The following ANO3 variants were observed in gnomAD, a reference collection of about 807,000 sequenced individuals.
ANO3 encodes anoctamin-3.
A neutral mutation model predicts 144.8 loss-of-function variants in ANO3; 99 were observed. That is an observed-to-expected ratio of 0.68 (90% CI 0.58 to 0.81). The LOEUF (loss-of-function observed/expected upper bound fraction) is 0.81, where lower values mean the gene tolerates loss of function less well. ANO3 is among the 30% of genes least tolerant of loss of function. The pLI, the probability that ANO3 is intolerant of heterozygous loss-of-function variation, is 0.00. For synonymous variants in ANO3, 414 were observed against 392.6 expected (o/e 1.05, Z -0.64); for missense variants, 905 against 1,202.2 (o/e 0.75, Z 3.66).
At chr11:26,297,236 T>C (rs1854114258) in intron 1 of ANO3, among the ~76,000 whole-genome samples, 1 of 148,004 alleles carries the variant, frequency 6.8e-6, no homozygotes, top group African/African-American at 2.6e-5. Context: ...CTCCAGTATA[T>C]CTGTGTTTCT....
intron 1 of ANO3, among the ~76,000 whole-genome samples, chr11:26,368,929 T>C (rs1241291215): frequency 1.3e-5 from 2 of 152,144 alleles, no homozygotes; most frequent in Non-Finnish European, 2.9e-5. Context: ...AACTGGTTAA[T>C]CCATATAAAA....
At chr11:26,317,865 C>A (rs1854663325) in intron 1 of ANO3, among the ~76,000 whole-genome samples, 2 of 152,086 alleles carry the variant, frequency 1.3e-5, no homozygotes, top group Non-Finnish European at 2.9e-5. Context: ...ACCCAAATGC[C>A]CATCAATGAT....
At chr11:26,436,387 C>A (rs540290051) in intron 1 of ANO3, among the ~76,000 whole-genome samples, 37 of 152,330 alleles carry the variant, frequency 2.4e-4, no homozygotes, top group African/African-American at 6.3e-4. Context: ...ACCCACATAA[C>A]CAACAGTCTG....
intron 1 of ANO3, among the ~76,000 whole-genome samples, chr11:26,300,694 A>G (rs1297554905): frequency 1.3e-5 from 2 of 152,156 alleles, no homozygotes; most frequent in Admixed American, 6.5e-5. Context: ...ATTATATGCT[A>G]ATGTTTAGCA....
intron 24 of ANO3, among the ~76,000 whole-genome samples, chr11:26,651,680 ATATCT>A (rs1853537466): frequency 6.6e-6 from 1 of 152,084 alleles, no homozygotes; most frequent in Non-Finnish European, 1.5e-5. Flanking sequence ...TTAATTTCAA[ATATCT>A]TAAAATATCA....
At position 26,396,107 on chromosome 11, in the gene ANO3, C is replaced by A. The variant is rs181048268; in HGVS notation, c.47-45811C>A. On this transcript the variant is annotated intron_variant, in intron 1 of 26. Coordinates refer to ENST00000256737, the MANE Select transcript of ANO3 (RefSeq NM_031418.4). ...AAACAAATTTACAAGAAAAAAACAACCCCCTCAAAAAGTAGGCGAAGGATA... is the reference window on the plus strand; with the variant it reads ...AAACAAATTTACAAGAAAAAAACAAACCCCTCAAAAAGTAGGCGAAGGATA... 7.2e-5 allele frequency among the ~76,000 whole-genome samples: 11 copies of A among 151,994 alleles called. No individual in the cohort carries two copies. In the East Asian group the frequency reaches 1.2e-3, roughly 16 times the overall value.
chr11:26,325,010 G>A lies in ANO3; in HGVS notation c.-3+15291G>A, dbSNP rs75097648. On this transcript the variant is annotated intron_variant, in intron 1 of 26. Transcript: ENST00000525139. ...TTTCCTGGTAACAAAATCTGATTTG[G>A]GAACTGGAAAATGCAGTCACTAGAG... Among the ~76,000 whole-genome samples, 726 of 152,222 alleles carry A rather than the reference G, an allele frequency of 4.8e-3. 6 individuals carry two copies. Among genetic ancestry groups the A allele is most frequent in the African/African-American group, 0.016 (685 of 41,538 alleles).
rs373049130 is a variant in ANO3, at chr11:26,537,006, A to AT, written c.977-383dup. Among the ~76,000 whole-genome samples, 399 of 125,518 alleles carry AT rather than the reference A, an allele frequency of 3.2e-3. 3 individuals carry two copies. The highest frequency in any genetic ancestry group is 0.02 in the Middle Eastern group (5 of 246). 82.3% of individuals were successfully genotyped at this position (125,518 alleles called of 152,430 possible). A position where few individuals can be genotyped will look rare whatever the true frequency, so the allele number is the denominator to read the frequency against. ...ATTTCTCAATACCAATATCCTTTAA[A>AT]TTTTTTTTTTTTTTTTTGGTAGGGG... On this transcript the variant is annotated intron_variant, in intron 9 of 26. Transcript: ENST00000256737.
chr11:26,651,608 C>T (rs1056533750), intron 24 of ANO3, among the ~76,000 whole-genome samples: 7 of 151,784 alleles, frequency 4.6e-5, no homozygotes, highest in East Asian at 1.9e-4. Context: ...TATTAATTTA[C>T]CTTAATATAA....
intron 4 of ANO3, among the ~76,000 whole-genome samples, chr11:26,483,573 T>G (rs1860314423): frequency 6.6e-6 from 1 of 152,188 alleles, no homozygotes; most frequent in Non-Finnish European, 1.5e-5. Flanking sequence ...ATTGTAAGTT[T>G]TCTGAGTGCC....
rs543480310 is a variant in ANO3, at chr11:26,587,896, C to T, written c.1448-10469C>T. On this transcript the variant is annotated intron_variant, in intron 14 of 26. Coordinates refer to ENST00000256737, the MANE Select transcript of ANO3 (RefSeq NM_031418.4). ...ACTTGAACCCAAGAGGCAGAGGTTG[C>T]AGTGAGCCGAGATCATGGGTGACAA... 2.4e-3 allele frequency among the ~76,000 whole-genome samples: 327 copies of T among 137,400 alleles called. 6 individuals carry two copies. The highest frequency in any genetic ancestry group is 0.016 in the South Asian group (72 of 4,458). The allele number at this position is 137,400 out of a possible 152,430, so 90.1% of individuals were successfully genotyped here.
chr11:26,398,965 G>T (rs553537711), intron 1 of ANO3, among the ~76,000 whole-genome samples: 1 of 152,018 alleles, frequency 6.6e-6, no homozygotes, highest in African/African-American at 2.4e-5. Context: ...GGCAGGTGAT[G>T]GGGTAATGAC....
At chr11:26,362,337 G>A (rs1050756573) in intron 1 of ANO3, among the ~76,000 whole-genome samples, 1 of 152,138 alleles carries the variant, frequency 6.6e-6, no homozygotes, top group African/African-American at 2.4e-5. Context: ...AGGTAGATTG[G>A]AAACTGAAGC....
At chr11:26,594,741 C>A (rs1851558726) in intron 14 of ANO3, among the ~76,000 whole-genome samples, 1 of 152,108 alleles carries the variant, frequency 6.6e-6, no homozygotes, top group Non-Finnish European at 1.5e-5. Flanking sequence ...TGAGGGCTTC[C>A]TGTAGGGCAT....
chr11:26,485,344 T>C (rs554934971), intron 4 of ANO3, among the ~76,000 whole-genome samples: 1 of 152,058 alleles, frequency 6.6e-6, no homozygotes, highest in Non-Finnish European at 1.5e-5. Flanking sequence ...TGTTAATGAG[T>C]AAGTTCACAG....
intron 4 of ANO3, among the ~76,000 whole-genome samples, chr11:26,505,028 AAAAAAAAAAAAG>A (rs1388229884): frequency 6.6e-6 from 1 of 150,644 alleles, no homozygotes; most frequent in Non-Finnish European, 1.5e-5. Context: ...AAAAAAAAAA[AAAAAAAAAAAAG>A]AAGAGAAAAG....
chr11:26,386,289 T>C (rs865913479), intron 1 of ANO3, among the ~76,000 whole-genome samples: 3 of 152,264 alleles, frequency 2.0e-5, no homozygotes, highest in South Asian at 2.1e-4. Context: ...GAAATAAGTA[T>C]ATAAATGGAG....
At chr11:26,223,539 C>A (rs1178830995) in intron 1 of ANO3, among the ~76,000 whole-genome samples, 1 of 150,912 alleles carries the variant, frequency 6.6e-6, no homozygotes, top group African/African-American at 2.4e-5. Context: ...TTCTGGATAT[C>A]CTTATAGCAA....
At position 26,447,481 on chromosome 11, in the gene ANO3, C is replaced by G. The variant is rs1858746191; in HGVS notation, c.313+3645C>G. The stretch of plus-strand genomic sequence containing the variant: ...AGGAAGGCTTGATCTCTAACCTTCT[C>G]TTTTAATCACCACACTAGCCACAAA... On this transcript the variant is annotated intron_variant, in intron 3 of 26. Coordinates refer to ENST00000256737, the MANE Select transcript of ANO3 (RefSeq NM_031418.4). Among the ~76,000 whole-genome samples the G allele has an allele frequency of 2.0e-5, 3 of 152,116 alleles. No individual in the cohort carries two copies. In the South Asian group the frequency reaches 6.2e-4, roughly 32 times the overall value.
Sources: allele counts gnomAD v4.1 joint callset (sites outside exome capture counted in the v4.1 genomes callset), GRCh38; gene constraint gnomAD v4.1.1; transcripts MANE v1.5; gene names NCBI Gene and HGNC (gene_info 2026-07-23, HGNC 2026-07-21).